BCAS4: variants seen among roughly 807,000 people sequenced by gnomAD.
The protein encoded by BCAS4 is breast carcinoma-amplified sequence 4.
A neutral mutation model predicts 15.7 loss-of-function variants in BCAS4; 9 were observed. The observed-to-expected ratio is 0.57, with a 90% confidence interval of 0.34 to 1.00. The LOEUF (loss-of-function observed/expected upper bound fraction) is 1.00. BCAS4 is among the 50% of genes least tolerant of loss of function. BCAS4 has a pLI of 0.02. For missense variants in BCAS4, 225 were observed against 239.1 expected, an observed-to-expected ratio of 0.94 and a Z score of 0.39; for synonymous variants, 101 against 99.5, an observed-to-expected ratio of 1.02 and a Z score of -0.09.
intron 1 of BCAS4, 79 bp from the exon 2 acceptor site, chr20:50,818,132 T>TAAAA: frequency 1.6e-5 from 19 of 1,198,846 alleles, no homozygotes; most frequent in Non-Finnish European, 2.2e-5. Flanking sequence ...TAGTTTGCTT[T>TAAAA]AAAAAAAAAA....
intron 4 of BCAS4, among the ~76,000 whole-genome samples, chr20:50,861,891 T>C (rs936768706): frequency 6.7e-6 from 1 of 149,442 alleles, no homozygotes; most frequent in African/African-American, 2.5e-5. Context: ...TCTTGCTCTG[T>C]TGCCCAGACT....
chr20:50,835,688 G>A (rs567946523), intron 3 of BCAS4, among the ~76,000 whole-genome samples: 59 of 152,204 alleles, frequency 3.9e-4, no homozygotes, highest in Admixed American at 7.2e-4. Flanking sequence ...TGTCACCACC[G>A]TGGGGCGTGA....
chr20:50,797,057 T>G (rs2087874516), intron 1 of BCAS4, among the ~76,000 whole-genome samples: 1 of 151,836 alleles, frequency 6.6e-6, no homozygotes, highest in African/African-American at 2.4e-5. Flanking sequence ...AGGCGGGTCT[T>G]GAATTCCTGG....
rs780045321 is a variant in BCAS4, at chr20:50,795,126, G to A, written c.43G>A (p.Gly15Arg). 6 of 1,484,196 alleles carry A rather than the reference G, an allele frequency of 4.0e-6. No homozygotes were observed. The Admixed American group carries it at 1.1e-4, about 26-fold the overall frequency. The allele number at this position is 1,484,196 out of a possible 1,614,324, so 91.9% of individuals were successfully genotyped here. Residue 15 changes from glycine (G) to arginine (R), a missense_variant, in exon 1 of 5, where the codon GGG becomes AGG. Transcript: ENST00000371608. The part of the protein sequence containing the change: ...DADQPEPMRS[G>R]ARELALFLTP... ...TGATCAGCCGGAGCCCATGCGCAGC[G>A]GGGCGCGCGAGCTCGCGCTCTTCCT...
chr20:50,851,648 C>T lies in BCAS4; in HGVS notation c.399+9748C>T, dbSNP rs768374902. On this transcript the variant is annotated intron_variant, in intron 4 of 4. Coordinates refer to ENST00000371608, the MANE Select transcript of BCAS4 (RefSeq NM_198799.4). The surrounding 1 kb of genome is among the most constrained non-coding windows in gnomAD (Gnocchi z 4.3). ...TGCCCTTCTCTCAAAGCAGCACCAC[C>T]GTCAGGGGCATCCCCTGTGGCAGCA... is the stretch of plus-strand genomic sequence containing the variant. Among the ~76,000 whole-genome samples, 2 of 152,162 alleles carry T rather than the reference C, an allele frequency of 1.3e-5. No homozygotes were observed. Among genetic ancestry groups the T allele is most frequent in the African/African-American group, 2.4e-5 (1 of 41,428 alleles).
intron 1 of BCAS4, among the ~76,000 whole-genome samples, chr20:50,795,690 T>C (rs530400382): frequency 6.6e-6 from 1 of 152,250 alleles, no homozygotes; most frequent in South Asian, 2.1e-4. Context: ...TCGACGCTGT[T>C]GTGAAAAAGT....
intron 3 of BCAS4, among the ~76,000 whole-genome samples, chr20:50,837,924 G>C (rs2123801632): frequency 6.6e-6 from 1 of 152,224 alleles, no homozygotes; most frequent in Non-Finnish European, 1.5e-5. Flanking sequence ...TGAGGCTAGA[G>C]CCCTTGGCAT....
At chr20:50,820,544 C>A (rs535294181) in intron 2 of BCAS4, among the ~76,000 whole-genome samples, 2 of 152,052 alleles carry the variant, frequency 1.3e-5, no homozygotes, top group Non-Finnish European at 2.9e-5. Flanking sequence ...GAAGGCAGGT[C>A]GGGAGGATGG....
At chr20:50,814,689 C>G (rs1450821455) in intron 1 of BCAS4, among the ~76,000 whole-genome samples, 3 of 152,238 alleles carry the variant, frequency 2.0e-5, no homozygotes, top group African/African-American at 7.2e-5. Flanking sequence ...GGGACTTAAC[C>G]TCTCTGATCC....
chr20:50,875,847 C>T, intron 4 of BCAS4: 3 of 423,182 alleles, frequency 7.1e-6, no homozygotes, highest in Non-Finnish European at 1.4e-5. Flanking sequence ...TGAGATGGCC[C>T]TGCAGAGCTG....
intron 2 of BCAS4, among the ~76,000 whole-genome samples, chr20:50,818,601 G>T (rs899147149): frequency 2.6e-5 from 4 of 152,212 alleles, no homozygotes; most frequent in Non-Finnish European, 5.9e-5. Flanking sequence ...GAGCCGTTCA[G>T]CGGGGACGCT....
chr20:50,840,985 A>G lies in BCAS4; in HGVS notation c.265-781A>G, dbSNP rs1175455211. The G allele has an allele frequency of 8.7e-6, 4 of 459,224 alleles. No homozygotes were observed. The Admixed American group carries it at 1.4e-4, about 16-fold the overall frequency. The allele number at this position is 459,224 out of a possible 1,614,324, so 28.4% of individuals were successfully genotyped here. A position where few individuals can be genotyped will look rare whatever the true frequency, so the allele number is the denominator to read the frequency against. ...GCTGGGATTACGGGCATGTGCCACC[A>G]TGTCCGGCTACTTTTTGTATTTTTA... On this transcript the variant is annotated intron_variant, in intron 3 of 4. Coordinates refer to ENST00000371608, the MANE Select transcript of BCAS4 (RefSeq NM_198799.4).
At position 50,851,631 on chromosome 20, in the gene BCAS4, T is replaced by G. The variant is rs77469152; in HGVS notation, c.399+9731T>G. Among the ~76,000 whole-genome samples the G allele has an allele frequency of 0.023, 3,546 of 152,182 alleles. 54 individuals carry two copies. The highest frequency in any genetic ancestry group is 0.05 in the East Asian group (256 of 5,168). ...TGGTGGGACCCTCAACATGCCCTTC[T>G]CTCAAAGCAGCACCACCGTCAGGGG... On this transcript the variant is annotated intron_variant, in intron 4 of 4. Transcript: ENST00000371608. This position sits in a 1 kb window ranked among gnomAD's most constrained non-coding sequence, Gnocchi z 4.3.
At chr20:50,806,037 C>T (rs2087985856) in intron 1 of BCAS4, among the ~76,000 whole-genome samples, 1 of 151,754 alleles carries the variant, frequency 6.6e-6, no homozygotes, top group Admixed American at 6.6e-5. Context: ...GTATTCAGCA[C>T]AGCCCACTTC....
At chr20:50,849,117 C>T (rs2088580700) in intron 4 of BCAS4, among the ~76,000 whole-genome samples, 1 of 152,286 alleles carries the variant, frequency 6.6e-6, no homozygotes, top group Admixed American at 6.5e-5. Flanking sequence ...GGCCCTCCTC[C>T]TGGCTCACGT....
chr20:50,813,454 C>T (rs754014005), intron 1 of BCAS4, among the ~76,000 whole-genome samples: 18 of 152,132 alleles, frequency 1.2e-4, no homozygotes, highest in South Asian at 2.1e-4. Flanking sequence ...CAAGAGACGA[C>T]GGTGACTTGC....
chr20:50,794,927 C>A, upstream of BCAS4: 1 of 1,104,526 alleles, frequency 9.1e-7, no homozygotes, highest in South Asian at 4.5e-5. Context: ...GCCCGGCGCT[C>A]CTGGAGCTGC....
chr20:50,880,280 C>G (rs1980093432), downstream of BCAS4: 1 of 152,250 alleles, frequency 6.6e-6, no homozygotes. Context: ...AAGGCCGGGA[C>G]ACTGCGCCCT....
At chr20:50,837,384 C>G (rs1225246254) in intron 3 of BCAS4, among the ~76,000 whole-genome samples, 1 of 152,088 alleles carries the variant, frequency 6.6e-6, no homozygotes, top group African/African-American at 2.4e-5. Context: ...CGCAGGAGTT[C>G]AAGATCAGCC....
Sources: gnomAD v4.1 joint callset for allele counts (sites outside exome capture counted in the v4.1 genomes callset) on GRCh38, gnomAD v4.1.1 for gene constraint, Gnocchi (gnomAD v3.1) non-coding constraint, MANE v1.5 for transcripts, NCBI Gene and HGNC (gene_info 2026-07-23, HGNC 2026-07-21) for gene names.